The following TLE1 variants were observed in gnomAD, a reference collection of about 807,000 sequenced individuals.
TLE1 encodes the protein TLE family member 1, transcriptional corepressor.
In TLE1, 21 loss-of-function variants were observed where a neutral mutation model predicts 89.8. That is an observed-to-expected ratio of 0.23 (90% CI 0.17 to 0.34). The LOEUF (loss-of-function observed/expected upper bound fraction) is 0.34, where lower values mean the gene tolerates loss of function less well. Among genes scored for constraint, TLE1 ranks in the 10% least tolerant of loss-of-function variants. The probability of loss-of-function intolerance (pLI) is 1.00; values close to 1 mark genes in which losing one functional copy is unlikely to be tolerated. For missense variants in TLE1, 795 were observed against 1,031.2 expected (o/e 0.77, Z 3.14); for synonymous variants, 447 against 407.6 (o/e 1.10, Z -1.16).
At chr9:81,621,080 A>G in intron 8 of TLE1, 1 of 237,622 alleles carries the variant, frequency 4.2e-6, no homozygotes, top group Non-Finnish European at 8.6e-6. Context: ...GAATTCTTTT[A>G]ATTTATTGTT....
chr9:81,641,365 AG>A (rs1828092890), intron 6 of TLE1, among the ~76,000 whole-genome samples: 1 of 152,164 alleles, frequency 6.6e-6, no homozygotes, highest in Non-Finnish European at 1.5e-5. Flanking sequence ...AAGAGGGGCA[AG>A]GGTGATCAAC....
In TLE1 at chr9:81,616,131, G is replaced by T. The variant is rs1399919739; in HGVS notation, c.769C>A (p.Pro257Thr). 6.2e-7 allele frequency: 1 copy of T among 1,603,938 alleles called. No homozygotes were observed. The highest frequency in any genetic ancestry group is 1.1e-5 in the South Asian group (1 of 88,990). The stretch of plus-strand genomic sequence containing the variant: ...GCAGGGCTTGCTCGCGGAGAAGAAG[G>T]GTCCTCAACAAGCATAATCAAAAGT... Reference protein sequence around the residue: ...NLVVDVSNEDPSSPRASPAHS... With the variant: ...NLVVDVSNEDTSSPRASPAHS... The change falls in exon 11 of 20, where the codon CCT becomes ACT. Residue 257 changes from proline (P) to threonine (T), a missense_variant. This residue lies in a region of TLE1 where 468 missense variants were observed against 509.1 expected (regional missense o/e 0.92). Coordinates refer to ENST00000376499, the MANE Select transcript of TLE1 (RefSeq NM_005077.5).
At chr9:81,641,651 C>T (rs1828135888) in intron 6 of TLE1, among the ~76,000 whole-genome samples, 1 of 152,146 alleles carries the variant, frequency 6.6e-6, no homozygotes, top group Admixed American at 6.5e-5. Context: ...AAAGAAGACA[C>T]ACAAATGGCC....
chr9:81,673,092 G>A lies in TLE1; in HGVS notation c.234+12584C>T, dbSNP rs185162474. Among the ~76,000 whole-genome samples, 450 of 151,998 alleles carry A rather than the reference G, an allele frequency of 3.0e-3. 1 individual carries two copies. Among genetic ancestry groups the A allele is most frequent in the African/African-American group, 0.01 (425 of 41,476 alleles). On this transcript the variant is annotated intron_variant, in intron 4 of 19. Coordinates refer to ENST00000376499, the MANE Select transcript of TLE1 (RefSeq NM_005077.5). ...GTTTGTGACCAGCCTGGCCAACATG[G>A]TGAAATCCCGACTCTACTAAAAATA...
chr9:81,593,756 G>C (rs1465234743), intron 14 of TLE1, among the ~76,000 whole-genome samples: 1 of 152,080 alleles, frequency 6.6e-6, no homozygotes, highest in Non-Finnish European at 1.5e-5. Flanking sequence ...CAAAAAAACA[G>C]CTTTCTAAAA....
At chr9:81,657,927 T>TTTTTC (rs1323724108) in intron 4 of TLE1, among the ~76,000 whole-genome samples, 1 of 144,390 alleles carries the variant, frequency 6.9e-6, no homozygotes. Flanking sequence ...TTTTTTTTTT[T>TTTTTC]AAGACAGAGT....
Position 81,648,836 on chromosome 9 carries a change from T to C in TLE1, c.372+3378A>G, listed in dbSNP as rs928533763. 3.5e-5 allele frequency among the ~76,000 whole-genome samples: 5 copies of C among 143,446 alleles called. No individual in the cohort carries two copies. The East Asian group carries it at 7.5e-4, about 22-fold the overall frequency. The allele number at this position is 143,446 out of a possible 152,430, so 94.1% of individuals were successfully genotyped here. ...AAAAAACAAACAAAAATGTTGCTTA[T>C]GGTGTAAAAACGATCCTGATCTAAA... On this transcript the variant is annotated intron_variant, in intron 6 of 19. Transcript: ENST00000376499.
chr9:81,633,163 G>A (rs987778091), intron 8 of TLE1, among the ~76,000 whole-genome samples, 185 bp downstream of exon 8: 3 of 152,038 alleles, frequency 2.0e-5, no homozygotes, highest in Admixed American at 1.3e-4. Flanking sequence ...AGAGCGAACA[G>A]TCATATAAGA....
chr9:81,586,879 G>T lies in TLE1; in HGVS notation c.1977+802C>A, dbSNP rs145570684. Among the ~76,000 whole-genome samples the T allele has an allele frequency of 7.9e-5, 12 of 152,134 alleles. No individual in the cohort carries two copies. The East Asian group carries it at 2.1e-3, about 27-fold the overall frequency. On this transcript the variant is annotated intron_variant, in intron 17 of 19. Coordinates refer to ENST00000376499, the MANE Select transcript of TLE1 (RefSeq NM_005077.5). Reference sequence around the variant, plus strand: ...AAGAAACTCAACAAAATGTTAACAGGAATATGAAATTTAGAAGTATATATG... The same window carrying T: ...AAGAAACTCAACAAAATGTTAACAGTAATATGAAATTTAGAAGTATATATG...
chr9:81,615,928 T>C, intron 11 of TLE1, 54 bp downstream of exon 11: 1 of 1,606,326 alleles, frequency 6.2e-7, no homozygotes, highest in Non-Finnish European at 8.5e-7. Flanking sequence ...AGTCCTCCAG[T>C]CCACAATGAA....
chr9:81,593,730 CA>C (rs376247630), intron 14 of TLE1, among the ~76,000 whole-genome samples: 23 of 152,274 alleles, frequency 1.5e-4, no homozygotes, highest in African/African-American at 5.3e-4. Flanking sequence ...TATATTTCAA[CA>C]GCAAAAACAA....
chr9:81,649,294 G>A (rs941823424), intron 6 of TLE1, among the ~76,000 whole-genome samples: 3 of 152,116 alleles, frequency 2.0e-5, no homozygotes, highest in African/African-American at 7.2e-5. Flanking sequence ...GAGAAATGGG[G>A]ACTGTTAATT....
At chr9:81,634,650 A>C (rs1167747808) in intron 6 of TLE1, among the ~76,000 whole-genome samples, 2 of 152,162 alleles carry the variant, frequency 1.3e-5, no homozygotes, top group African/African-American at 2.4e-5. Context: ...GTAAGTAAAC[A>C]TGAGCTAGTT....
At chr9:81,667,430 A>T (rs954086299) in intron 4 of TLE1, among the ~76,000 whole-genome samples, 1 of 151,960 alleles carries the variant, frequency 6.6e-6, no homozygotes, top group Non-Finnish European at 1.5e-5. Context: ...GTTACCTCTG[A>T]ATGTTTCCCT....
chr9:81,667,840 T>C (rs1831682504), intron 4 of TLE1, among the ~76,000 whole-genome samples: 1 of 152,138 alleles, frequency 6.6e-6, no homozygotes, highest in African/African-American at 2.4e-5. Context: ...AAACCTGCAA[T>C]GTTCCGCAAC....
At chr9:81,592,898 C>T (rs2131840635) in intron 15 of TLE1, 127 bp downstream of exon 15, 1 of 1,354,626 alleles carries the variant, frequency 7.4e-7, no homozygotes, top group East Asian at 2.5e-5. Context: ...GGTTAAATAA[C>T]CAACACAGGA....
At chr9:81,622,395 C>A (rs144402804) in intron 8 of TLE1, among the ~76,000 whole-genome samples, 82 of 152,298 alleles carry the variant, frequency 5.4e-4, no homozygotes, top group African/African-American at 1.9e-3. Context: ...ATCAGCACTG[C>A]GCATCCAAGC....
chr9:81,657,507 A>AG (rs1363809722), intron 4 of TLE1, among the ~76,000 whole-genome samples: 1 of 152,222 alleles, frequency 6.6e-6, no homozygotes, highest in Non-Finnish European at 1.5e-5. Flanking sequence ...GTTACTACCT[A>AG]GAATGGCATC....
intron 4 of TLE1, among the ~76,000 whole-genome samples, chr9:81,657,582 C>A (rs79294665): frequency 0.012 from 1,832 of 151,878 alleles, 35 homozygotes; most frequent in African/African-American, 0.034. Context: ...AACTTGTAAA[C>A]CTTTAATAAT....
Sources: allele counts gnomAD v4.1 joint callset (sites outside exome capture counted in the v4.1 genomes callset), GRCh38; gene constraint gnomAD v4.1.1; regional missense constraint gnomAD v4.1.1; transcripts MANE v1.5; gene names NCBI Gene and HGNC (gene_info 2026-07-23, HGNC 2026-07-21).